Variants in PITPNC1 observed in about 807,000 individuals in gnomAD.
PITPNC1 encodes the protein phosphatidylinositol transfer protein cytoplasmic 1.
A neutral mutation model predicts 44.7 loss-of-function variants in PITPNC1; 18 were observed. The ratio of observed to expected loss-of-function variants is 0.40; its 90% CI spans 0.28 to 0.60. The LOEUF (loss-of-function observed/expected upper bound fraction) is 0.60, where lower values mean the gene tolerates loss of function less well. PITPNC1 is among the 20% of genes least tolerant of loss of function. The pLI is 0.39. For missense variants in PITPNC1, 290 were observed against 418.4 expected, an observed-to-expected ratio of 0.69 and a Z score of 2.68; for synonymous variants, 141 against 149.6, an observed-to-expected ratio of 0.94 and a Z score of 0.42.
rs1420865903 is a variant in PITPNC1 at position 67,679,297 on chromosome 17, C to G, written c.682+3755C>G. 2.0e-5 allele frequency among the ~76,000 whole-genome samples: 3 copies of G among 152,158 alleles called. No individual in the cohort carries two copies. The East Asian group carries it at 5.8e-4, about 29-fold the overall frequency. On this transcript the variant is annotated intron_variant, in intron 8 of 8. Transcript: ENST00000581322. ...TCAATTTTAAAATGATTGCAGGAAC[C>G]CAAATTCTTACAACTCTGATTTCTT... is the stretch of plus-strand genomic sequence containing the variant.
intron 1 of PITPNC1, among the ~76,000 whole-genome samples, chr17:67,434,378 G>A (rs754676832): frequency 5.9e-5 from 9 of 152,214 alleles, no homozygotes; most frequent in South Asian, 2.1e-4. Context: ...GAACTGAGCA[G>A]CAAGAGGAAG....
At chr17:67,652,961 C>T (rs959556985) in intron 6 of PITPNC1, among the ~76,000 whole-genome samples, 1 of 152,156 alleles carries the variant, frequency 6.6e-6, no homozygotes, top group Non-Finnish European at 1.5e-5. Flanking sequence ...GGACCCTAAT[C>T]CAGTATGATG....
intron 5 of PITPNC1, among the ~76,000 whole-genome samples, chr17:67,627,323 T>C (rs1322351460): frequency 6.6e-6 from 1 of 152,250 alleles, no homozygotes. Flanking sequence ...ATGTGATTTT[T>C]TGTGATTTGT....
intron 1 of PITPNC1, among the ~76,000 whole-genome samples, chr17:67,389,581 T>G (rs1373418526): frequency 6.6e-6 from 1 of 152,236 alleles, no homozygotes; most frequent in African/African-American, 2.4e-5. Flanking sequence ...TAAAAATAGA[T>G]GATGGCCATA....
At chr17:67,439,920 A>G (rs1272099550) in intron 1 of PITPNC1, among the ~76,000 whole-genome samples, 1 of 152,236 alleles carries the variant, frequency 6.6e-6, no homozygotes, top group Non-Finnish European at 1.5e-5. Context: ...ACAAAAAAGC[A>G]AACAAACAAG....
Position 67,382,617 on chromosome 17 carries a change from TTTTG to T in PITPNC1, c.48+4427_48+4430del, listed in dbSNP as rs549683994. Among the ~76,000 whole-genome samples the T allele has an allele frequency of 3.7e-3, 566 of 152,042 alleles. 1 individual carries two copies. Among genetic ancestry groups the T allele is most frequent in the Non-Finnish European group, 6.9e-3 (471 of 67,972 alleles). On this transcript the variant is annotated intron_variant, in intron 1 of 8. Coordinates refer to ENST00000581322, the MANE Select transcript of PITPNC1 (RefSeq NM_012417.4). ...TAGACGTAGATGTAGATTCTAGAGT[TTTTG>T]TTTGTTTGTTTCTTTTTCTGAGCCA...
At chr17:67,686,990 C>G in intron 8 of PITPNC1, 1 of 822,522 alleles carries the variant, frequency 1.2e-6, no homozygotes, top group Non-Finnish European at 2.1e-6. Flanking sequence ...TGCTCAGCTA[C>G]CATCTTTCCC....
At chr17:67,587,146 T>G (rs774505864) in intron 5 of PITPNC1, among the ~76,000 whole-genome samples, 9 of 152,114 alleles carry the variant, frequency 5.9e-5, no homozygotes, top group Non-Finnish European at 8.8e-5. Context: ...TTAGTCATGA[T>G]GACTTTCAGA....
At chr17:67,660,524 T>TG (rs1428939940) in intron 6 of PITPNC1, among the ~76,000 whole-genome samples, 1 of 135,058 alleles carries the variant, frequency 7.4e-6, no homozygotes, top group Non-Finnish European at 1.5e-5. Context: ...TTTATTTTAT[T>TG]TATTTATTTA....
chr17:67,425,983 T>C (rs1415052359), intron 1 of PITPNC1, among the ~76,000 whole-genome samples: 1 of 152,230 alleles, frequency 6.6e-6, no homozygotes, highest in Non-Finnish European at 1.5e-5. Flanking sequence ...AATAAAACTT[T>C]ATTTAACACA....
chr17:67,552,128 GGGC>G lies in PITPNC1; in HGVS notation c.198-128_198-126del, dbSNP rs2040773271. The G allele has an allele frequency of 4.6e-6, 3 of 651,216 alleles. No homozygotes were observed. In the South Asian group the frequency reaches 5.2e-5, roughly 11 times the overall value. The allele number at this position is 651,216 out of a possible 1,614,324, so 40.3% of individuals were successfully genotyped here. A position where few individuals can be genotyped will look rare whatever the true frequency, so the allele number is the denominator to read the frequency against. ...GACAAAGACCGAAGAGATGGGGAAA[GGGC>G]AGCTGTGGAGAAAAGAGATGCCCCA... On this transcript the variant is annotated intron_variant, in intron 2 of 8. Transcript: ENST00000581322.
At chr17:67,471,406 A>C in intron 1 of PITPNC1, 2 of 322,172 alleles carry the variant, frequency 6.2e-6, no homozygotes, top group Non-Finnish European at 1.2e-5. Flanking sequence ...ATTTTGAGTA[A>C]AGTTGCAATG....
chr17:67,500,345 T>TA (rs2040009357), intron 1 of PITPNC1, among the ~76,000 whole-genome samples: 1 of 152,202 alleles, frequency 6.6e-6, no homozygotes. Context: ...TGATATATGC[T>TA]ACAACATGGA....
intron 6 of PITPNC1, among the ~76,000 whole-genome samples, chr17:67,635,701 A>G (rs1414392768): frequency 6.6e-6 from 1 of 152,206 alleles, no homozygotes; most frequent in Non-Finnish European, 1.5e-5. Flanking sequence ...TCAGGAGTCT[A>G]AAAGAATTGG....
intron 2 of PITPNC1, among the ~76,000 whole-genome samples, chr17:67,536,358 G>A (rs2040528195): frequency 6.6e-6 from 1 of 152,058 alleles, no homozygotes. Flanking sequence ...CGAGTAGCTG[G>A]GACTACAAGT....
intron 2 of PITPNC1, among the ~76,000 whole-genome samples, chr17:67,538,307 A>T (rs1401811631): frequency 6.6e-6 from 1 of 152,156 alleles, no homozygotes; most frequent in Non-Finnish European, 1.5e-5. Context: ...ACACACACAA[A>T]TAAACTCCAT....
Position 67,631,673 on chromosome 17 carries a change from A to ATATATATATATATAT in PITPNC1, c.367-470_367-469insTATATATATATATAT, listed in dbSNP as rs1380540532. On this transcript the variant is annotated intron_variant, in intron 5 of 8. Transcript: ENST00000581322. ...AAAAAAAAAAATATATATATATATA[A>ATATATATATATATAT]AATATATATTTTTAACATATATATA... Among the ~76,000 whole-genome samples the ATATATATATATATAT allele has an allele frequency of 1.9e-3, 98 of 52,448 alleles. 4 individuals are homozygous for ATATATATATATATAT. Among genetic ancestry groups the ATATATATATATATAT allele is most frequent in the Non-Finnish European group, 3.0e-3 (71 of 23,526 alleles). 34.4% of individuals were successfully genotyped at this position (52,448 alleles called of 152,430 possible). A position where few individuals can be genotyped will look rare whatever the true frequency, so the allele number is the denominator to read the frequency against.
chr17:67,658,650 A>G (rs1019496411), intron 6 of PITPNC1, among the ~76,000 whole-genome samples: 4 of 151,898 alleles, frequency 2.6e-5, no homozygotes, highest in African/African-American at 9.7e-5. Flanking sequence ...ATCCTGCATC[A>G]CTGGTTTTTA....
In PITPNC1 at chr17:67,597,205, A is replaced by G. The variant is rs1162309915; in HGVS notation, c.366+18948A>G. ...CACCATGCCTGGCCCCAAATAATTT[A>G]TATAAGCCATTTATCATAGTTCCTG... is the stretch of plus-strand genomic sequence containing the variant. On this transcript the variant is annotated intron_variant, in intron 5 of 8. Transcript: ENST00000581322. This position sits in a 1 kb window ranked among gnomAD's most constrained non-coding sequence, Gnocchi z 4.0. Among the ~76,000 whole-genome samples, 1 of 152,062 alleles carries G rather than the reference A, an allele frequency of 6.6e-6. No individual in the cohort carries two copies. The highest frequency in any genetic ancestry group is 1.5e-5 in the Non-Finnish European group (1 of 68,004).
Sources: allele counts gnomAD v4.1 joint callset (sites outside exome capture counted in the v4.1 genomes callset), GRCh38; gene constraint gnomAD v4.1.1; non-coding constraint Gnocchi (gnomAD v3.1); transcripts MANE v1.5; gene names NCBI Gene and HGNC (gene_info 2026-07-23, HGNC 2026-07-21).